The following ITPK1 variants were observed in gnomAD, a reference collection of about 807,000 sequenced individuals.
ITPK1 encodes inositol 1,3,4-trisphosphate 5/6-kinase.
ITPK1 carries 21 observed loss-of-function variants against 45.3 expected under a neutral mutation model. The observed-to-expected ratio is 0.46, with a 90% CI of 0.33 to 0.67. ITPK1 has a LOEUF of 0.67. ITPK1 is among the 30% of genes least tolerant of loss of function. The pLI is 0.02. For synonymous variants in ITPK1, 258 were observed against 253.6 expected, an observed-to-expected ratio of 1.02 and a Z score of -0.16; for missense variants, 474 against 573.5, an observed-to-expected ratio of 0.83 and a Z score of 1.77.
chr14:93,061,351 CG>C (rs1426075960), intron 3 of ITPK1, among the ~76,000 whole-genome samples: 6 of 152,186 alleles, frequency 3.9e-5, no homozygotes, highest in Non-Finnish European at 7.3e-5. Flanking sequence ...AGAGGCCACC[CG>C]GGGACCACCC....
At chr14:93,113,705 A>G (rs561261275) in intron 2 of ITPK1, among the ~76,000 whole-genome samples, 1 of 152,100 alleles carries the variant, frequency 6.6e-6, no homozygotes, top group Non-Finnish European at 1.5e-5. Flanking sequence ...GCTCCTCCTG[A>G]TTTCTTCATG....
intron 5 of ITPK1, among the ~76,000 whole-genome samples, chr14:92,982,435 G>A (rs547289949): frequency 2.2e-3 from 338 of 152,300 alleles, no homozygotes; most frequent in Non-Finnish European, 3.7e-3. Context: ...GAGGGGCACC[G>A]TGAGAAGAAA....
intron 5 of ITPK1, among the ~76,000 whole-genome samples, chr14:92,969,968 C>T (rs545791454): frequency 7.7e-4 from 117 of 152,252 alleles, no homozygotes; most frequent in Non-Finnish European, 9.4e-4. Context: ...CAGGCTTCCA[C>T]AAGTCCAGAA....
In ITPK1 at chr14:93,064,830, C is replaced by A. The variant is rs369020905; in HGVS notation, c.120+11765G>T. Among the ~76,000 whole-genome samples the A allele has an allele frequency of 5.9e-5, 9 of 152,342 alleles. No homozygotes were observed. In the South Asian group the frequency reaches 8.3e-4, roughly 14 times the overall value. ...TGAGGCAAAGACGGGAGCCACTGTGCTTCCCAGGGGAGTTCTTGAGCTGAG... is the reference window on the plus strand; with the variant it reads ...TGAGGCAAAGACGGGAGCCACTGTGATTCCCAGGGGAGTTCTTGAGCTGAG... On this transcript the variant is annotated intron_variant, in intron 3 of 10. Coordinates refer to ENST00000267615, the MANE Select transcript of ITPK1 (RefSeq NM_014216.6).
intron 3 of ITPK1, among the ~76,000 whole-genome samples, chr14:93,017,014 A>T (rs1038546164): frequency 2.0e-5 from 3 of 152,040 alleles, no homozygotes; most frequent in Admixed American, 2.0e-4. Context: ...TCTCCTGCTA[A>T]CTCCTCAAGG....
chr14:93,096,562 C>A (rs1892088887), intron 2 of ITPK1, among the ~76,000 whole-genome samples: 1 of 152,212 alleles, frequency 6.6e-6, no homozygotes, highest in South Asian at 2.1e-4. Flanking sequence ...AAGAAACACA[C>A]ACGAAGAACA....
chr14:93,052,389 G>C (rs1339256789), intron 3 of ITPK1, among the ~76,000 whole-genome samples: 1 of 152,142 alleles, frequency 6.6e-6, no homozygotes, highest in Non-Finnish European at 1.5e-5. Flanking sequence ...CAGACGCCAG[G>C]CATCTAGGGC....
intron 3 of ITPK1, among the ~76,000 whole-genome samples, chr14:93,072,615 C>CTTTTTTTTTTTTTTTTTTTTTT (rs111822420): frequency 7.2e-6 from 1 of 139,260 alleles, no homozygotes. Flanking sequence ...AAATATTATT[C>CTTTTTTTTTTTTTTTTTTTTTT]TTTTTTTTTT....
chr14:93,089,668 T>C (rs574167339), intron 2 of ITPK1, among the ~76,000 whole-genome samples: 3 of 152,252 alleles, frequency 2.0e-5, no homozygotes, highest in African/African-American at 7.2e-5. Flanking sequence ...GCTGGGTCTC[T>C]GGAGGAGGTG....
chr14:92,983,533 A>G (rs1886329578), intron 5 of ITPK1, among the ~76,000 whole-genome samples: 1 of 152,172 alleles, frequency 6.6e-6, no homozygotes, highest in African/African-American at 2.4e-5. Flanking sequence ...ATAGGCAAAC[A>G]ACAGGCAAAG....
At chr14:93,050,387 G>A (rs1242870040) in intron 3 of ITPK1, among the ~76,000 whole-genome samples, 3 of 152,162 alleles carry the variant, frequency 2.0e-5, no homozygotes, top group Non-Finnish European at 4.4e-5. Flanking sequence ...AGGCCCTGCT[G>A]CCACACAGCA....
intron 7 of ITPK1, among the ~76,000 whole-genome samples, chr14:92,962,137 C>T (rs533981532): frequency 5.0e-4 from 76 of 152,346 alleles, no homozygotes; most frequent in Middle Eastern, 6.8e-3. Context: ...AGGGACAGGA[C>T]AGGCATTGAG....
intron 9 of ITPK1, among the ~76,000 whole-genome samples, chr14:92,949,844 C>T (rs1434028671): frequency 6.6e-6 from 1 of 152,182 alleles, no homozygotes; most frequent in Non-Finnish European, 1.5e-5. Flanking sequence ...ATGCCTGGGG[C>T]CCTCAAAGCA....
At position 93,043,306 on chromosome 14, in the gene ITPK1, A is replaced by T. The variant is rs541386639; in HGVS notation, c.121-26505T>A. On this transcript the variant is annotated intron_variant, in intron 3 of 10. Coordinates refer to ENST00000267615, the MANE Select transcript of ITPK1 (RefSeq NM_014216.6). ...ACCCCAGTTTATGTGCACAGACAGA[A>T]GGGGAGAAAAGAGATGTGGGGCAGG... Among the ~76,000 whole-genome samples, 7 of 152,324 alleles carry T rather than the reference A, an allele frequency of 4.6e-5. No homozygotes were observed. The East Asian group carries it at 1.3e-3, about 29-fold the overall frequency.
At chr14:93,022,912 G>C (rs1489293183) in intron 3 of ITPK1, among the ~76,000 whole-genome samples, 2 of 152,240 alleles carry the variant, frequency 1.3e-5, no homozygotes, top group African/African-American at 4.8e-5. Flanking sequence ...TCTTGATAGA[G>C]ATAAGAGTAG....
At chr14:92,971,359 G>C (rs1249357880) in intron 5 of ITPK1, among the ~76,000 whole-genome samples, 2 of 152,230 alleles carry the variant, frequency 1.3e-5, no homozygotes, top group African/African-American at 2.4e-5. Flanking sequence ...GACTAGAACA[G>C]CATCTGGTTC....
intron 9 of ITPK1, 97 bp downstream of exon 9, chr14:92,951,849 T>C: frequency 2.1e-6 from 2 of 949,428 alleles, no homozygotes; most frequent in Non-Finnish European, 3.3e-6. Context: ...CCTACCCTGC[T>C]GGAGAGCTTG....
intron 2 of ITPK1, among the ~76,000 whole-genome samples, chr14:93,094,725 G>A (rs373159639): frequency 7.9e-5 from 12 of 152,224 alleles, no homozygotes; most frequent in African/African-American, 2.4e-4. Context: ...CAGTCACAGC[G>A]TGGGGACGGG....
chr14:93,022,982 C>T (rs1888546981), intron 3 of ITPK1, among the ~76,000 whole-genome samples: 1 of 152,104 alleles, frequency 6.6e-6, no homozygotes, highest in African/African-American at 2.4e-5. Context: ...ATAAGAAAAC[C>T]CAGAATATGA....
Sources: gnomAD v4.1 joint callset for allele counts (sites outside exome capture counted in the v4.1 genomes callset) on GRCh38, gnomAD v4.1.1 for gene constraint, MANE v1.5 for transcripts, NCBI Gene and HGNC (gene_info 2026-07-23, HGNC 2026-07-21) for gene names.